NGLY1: variants seen among roughly 807,000 people sequenced by gnomAD.
NGLY1 encodes N-glycanase 1.
In NGLY1, 68 loss-of-function variants were observed where a neutral mutation model predicts 84.6. The ratio of observed to expected loss-of-function variants is 0.80; its 90% CI spans 0.66 to 0.98. The LOEUF is 0.98. Among genes scored for constraint, NGLY1 ranks in the 50% least tolerant of loss-of-function variants. The probability of loss-of-function intolerance (pLI) is 0.00; values close to 1 mark genes in which losing one functional copy is unlikely to be tolerated. For missense variants in NGLY1, 779 were observed against 770.2 expected (o/e 1.01, Z -0.14); for synonymous variants, 280 against 275.2 (o/e 1.02, Z -0.17).
At chr3:25,773,104 C>T (rs1707977943) in intron 2 of NGLY1, among the ~76,000 whole-genome samples, 1 of 152,074 alleles carries the variant, frequency 6.6e-6, no homozygotes, top group Non-Finnish European at 1.5e-5. Flanking sequence ...GGACTATGTG[C>T]CTAGGTGATG....
At chr3:25,721,682 G>A (rs1409714632) in intron 10 of NGLY1, among the ~76,000 whole-genome samples, 1 of 146,286 alleles carries the variant, frequency 6.8e-6, no homozygotes, top group Non-Finnish European at 1.5e-5. Context: ...CCGGGGGGCG[G>A]AGCTTGCAGT....
At chr3:25,765,139 A>G (rs984363934) in intron 2 of NGLY1, among the ~76,000 whole-genome samples, 3 of 152,342 alleles carry the variant, frequency 2.0e-5, no homozygotes, top group African/African-American at 7.2e-5. Context: ...AATGTTAAAA[A>G]CAGTAATTTC....
intron 4 of NGLY1, among the ~76,000 whole-genome samples, chr3:25,743,966 A>T (rs1706288894): frequency 6.6e-6 from 1 of 152,326 alleles, no homozygotes; most frequent in East Asian, 1.9e-4. Context: ...AGATAAGGGA[A>T]GCCTGATTTA....
At chr3:25,744,217 A>G (rs3773423) in intron 4 of NGLY1, among the ~76,000 whole-genome samples, 2 of 152,220 alleles carry the variant, frequency 1.3e-5, no homozygotes, top group African/African-American at 2.4e-5. Context: ...TCTCCATCTC[A>G]TATCTTCACA....
At chr3:25,750,213 A>G (rs978146339) in intron 4 of NGLY1, among the ~76,000 whole-genome samples, 2 of 152,268 alleles carry the variant, frequency 1.3e-5, no homozygotes, top group Admixed American at 1.3e-4. Flanking sequence ...GGACTCACTC[A>G]TTATTATGAG....
chr3:25,770,060 CCTCA>C (rs2125303746), intron 2 of NGLY1, among the ~76,000 whole-genome samples: 1 of 152,274 alleles, frequency 6.6e-6, no homozygotes, highest in African/African-American at 2.4e-5. Context: ...TCCTGAGTTA[CCTCA>C]CTTAGAATAA....
At chr3:25,741,674 T>C (rs746567936) in intron 4 of NGLY1, among the ~76,000 whole-genome samples, 2 of 152,024 alleles carry the variant, frequency 1.3e-5, no homozygotes, top group African/African-American at 4.8e-5. Context: ...GAGGAAAAAT[T>C]TGTAACATGT....
At position 25,729,270 on chromosome 3, in the gene NGLY1, GT is replaced by G; in HGVS notation, c.1473del (p.Lys491AsnfsTer10). Reference sequence around the variant, plus strand: ...ACAATATTGTAACAAAGGTGGAGCTGTTTAGAAATCTTCTCATTTTCACAGG... The same window carrying G: ...ACAATATTGTAACAAAGGTGGAGCTGTTAGAAATCTTCTCATTTTCACAGG... Reference protein sequence around the residue: ...FIPCENEKISKQLHLCYNIVK... With the variant: ...FIPCENEKISXQLHLCYNIVK... On this transcript the variant is annotated frameshift_variant, in exon 10 of 12. Coordinates refer to ENST00000280700, the MANE Select transcript of NGLY1 (RefSeq NM_018297.4). LOFTEE classifies it high-confidence loss of function. 2 of 1,504,306 alleles carry G rather than the reference GT, an allele frequency of 1.3e-6. No homozygotes were observed. The highest frequency in any genetic ancestry group is 1.9e-5 in the Admixed American group (1 of 51,396). 93.2% of individuals were successfully genotyped at this position (1,504,306 alleles called of 1,614,324 possible).
chr3:25,788,500 AAG>A (rs1435559405), intron 1 of NGLY1, among the ~76,000 whole-genome samples: 3 of 152,244 alleles, frequency 2.0e-5, no homozygotes, highest in Non-Finnish European at 1.5e-5. Context: ...TTCCAGATCA[AAG>A]AAAAGGTGAT....
At chr3:25,767,208 C>G (rs1051936888) in intron 2 of NGLY1, among the ~76,000 whole-genome samples, 8 of 151,486 alleles carry the variant, frequency 5.3e-5, no homozygotes, top group African/African-American at 1.9e-4. Flanking sequence ...AGGAGAATCG[C>G]TTGAACCCAG....
chr3:25,741,862 G>A (rs1206076272), intron 4 of NGLY1, among the ~76,000 whole-genome samples: 2 of 151,936 alleles, frequency 1.3e-5, no homozygotes, highest in African/African-American at 4.8e-5. Context: ...TTAGCCGGGC[G>A]TGGTGGCAGG....
At chr3:25,730,484 T>C (rs990397685) in intron 9 of NGLY1, 4 of 152,140 alleles carry the variant, frequency 2.6e-5, no homozygotes, top group Non-Finnish European at 5.9e-5. Flanking sequence ...ATGCAAGAGA[T>C]AGCACACCCA....
At position 25,783,387 on chromosome 3, in the gene NGLY1, C is replaced by G; in HGVS notation, c.4G>C (p.Ala2Pro). Residue 2 changes from alanine to proline, a missense_variant, in exon 1 of 12, where the codon GCG (alanine) becomes CCG (proline). Transcript: ENST00000280700. The surrounding 1 kb of genome is among the most constrained non-coding windows in gnomAD (Gnocchi z 4.5). Reference sequence around the variant, plus strand: ...GAGGAGCTGCCCAATGCCGCCGCCGCCATGCTTGAGCGCCAGCGGGCGCCG... The same window carrying G: ...GAGGAGCTGCCCAATGCCGCCGCCGGCATGCTTGAGCGCCAGCGGGCGCCG... MAAAALGSSSGS... is the reference protein window; with the variant it reads MPAAALGSSSGS... 2 of 1,537,200 alleles carry G rather than the reference C, an allele frequency of 1.3e-6. No individual in the cohort carries two copies. The highest frequency in any genetic ancestry group is 1.8e-6 in the Non-Finnish European group (2 of 1,142,646).
At chr3:25,750,610 A>C (rs1019018715) in intron 4 of NGLY1, among the ~76,000 whole-genome samples, 2 of 152,154 alleles carry the variant, frequency 1.3e-5, no homozygotes, top group African/African-American at 4.8e-5. Flanking sequence ...TACACTTAAA[A>C]ATGGGTAAGA....
upstream of NGLY1, among the ~76,000 whole-genome samples, chr3:25,787,533 T>A (rs1275015818): frequency 6.6e-6 from 1 of 152,168 alleles, no homozygotes; most frequent in African/African-American, 2.4e-5. Flanking sequence ...TAAAGTCAAA[T>A]GGTGTCAGGA....
chr3:25,730,938 G>C (rs765122868), intron 9 of NGLY1, among the ~76,000 whole-genome samples: 1 of 151,914 alleles, frequency 6.6e-6, no homozygotes, highest in Admixed American at 6.6e-5. Flanking sequence ...CTCAACTTTA[G>C]CTCCCTAAGG....
At position 25,783,174 on chromosome 3, in the gene NGLY1, C is replaced by T; in HGVS notation, c.131+86G>A. 1 of 1,291,886 alleles carries T rather than the reference C, an allele frequency of 7.7e-7. No homozygotes were observed. Among genetic ancestry groups the T allele is most frequent in the Non-Finnish European group, 1.1e-6 (1 of 910,930 alleles). 80.0% of individuals were successfully genotyped at this position (1,291,886 alleles called of 1,614,324 possible). ...CCGGGCGTCGCTGCCCTCTGAAGCT[C>T]AGGCCGGACGCCCCAGTCCCTGGCC... On this transcript the variant is annotated intron_variant, in intron 1 of 11. Transcript: ENST00000280700. This position sits in a 1 kb window ranked among gnomAD's most constrained non-coding sequence, Gnocchi z 4.5.
chr3:25,728,347 T>C (rs891856018), intron 10 of NGLY1, among the ~76,000 whole-genome samples: 1 of 152,128 alleles, frequency 6.6e-6, no homozygotes, highest in African/African-American at 2.4e-5. Flanking sequence ...TCCAATATAT[T>C]TTACAAGTGA....
Position 25,732,391 on chromosome 3 carries a change from T to G in NGLY1, c.1353A>C (p.Lys451Asn). Residue 451 changes from lysine to asparagine, a missense_variant, in exon 9 of 12, where the codon AAA (lysine) becomes AAC (asparagine). By Grantham distance (94) the Lys-to-Asn change is moderately conservative. Coordinates refer to ENST00000280700, the MANE Select transcript of NGLY1 (RefSeq NM_018297.4). The part of the protein sequence containing the change: ...LVEFISPKTP[K>N]PGELGGRISG... The stretch of plus-strand genomic sequence containing the variant: ...ATATTCTTCCCCCAAGTTCTCCAGG[T>G]TTAGGGGTTTTGGGAGATATAAATT... 6.2e-7 allele frequency: 1 copy of G among 1,613,648 alleles called. No homozygotes were observed. Among genetic ancestry groups the G allele is most frequent in the Non-Finnish European group, 8.5e-7 (1 of 1,179,690 alleles).
Sources: allele counts gnomAD v4.1 joint callset (sites outside exome capture counted in the v4.1 genomes callset), GRCh38; gene constraint gnomAD v4.1.1; non-coding constraint Gnocchi (gnomAD v3.1); transcripts MANE v1.5; gene names NCBI Gene and HGNC (gene_info 2026-07-23, HGNC 2026-07-21).